EYS: variants seen among roughly 807,000 people sequenced by gnomAD.
The protein encoded by EYS is protein eyes shut homolog.
Under a neutral mutation model 282.1 loss-of-function variants are expected in EYS, and 250 were observed. That is an observed-to-expected ratio of 0.89 (90% CI 0.80 to 0.98). EYS has a LOEUF of 0.98. Ranked by LOEUF, EYS falls within the 50% of genes least tolerant of loss-of-function variation. The probability of loss-of-function intolerance (pLI) is 0.00; values close to 1 mark genes in which losing one functional copy is unlikely to be tolerated. For missense variants in EYS, 4,016 were observed against 3,709.0 expected, an observed-to-expected ratio of 1.08 and a Z score of -2.15; for synonymous variants, 1,355 against 1,282.9, an observed-to-expected ratio of 1.06 and a Z score of -1.20.
Position 64,241,611 on chromosome 6 carries a change from T to C in EYS, c.6192-10787A>G, listed in dbSNP as rs574219524. 2.0e-5 allele frequency among the ~76,000 whole-genome samples: 3 copies of C among 152,068 alleles called. No individual in the cohort carries two copies. In the South Asian group the frequency reaches 6.2e-4, roughly 32 times the overall value. On this transcript the variant is annotated intron_variant, in intron 30 of 42. Transcript: ENST00000503581. ...ATTGTATCTATCTATTTTGTTGATC[T>C]TTTCAAAAAAAACAGCTCCTGGATT...
chr6:65,426,615 T>C (rs1433361358), intron 5 of EYS, among the ~76,000 whole-genome samples: 4 of 152,120 alleles, frequency 2.6e-5, no homozygotes, highest in Non-Finnish European at 2.9e-5. Flanking sequence ...CCTGTTCTTT[T>C]TGTCTATCAA....
intron 39 of EYS, among the ~76,000 whole-genome samples, chr6:63,783,201 A>G (rs1441975272): frequency 3.9e-5 from 6 of 152,058 alleles, no homozygotes; most frequent in Non-Finnish European, 8.8e-5. Flanking sequence ...ATATTTAATA[A>G]CCTCCATATC....
chr6:64,303,869 G>GATA, intron 30 of EYS, among the ~76,000 whole-genome samples: 2 of 145,598 alleles, frequency 1.4e-5, no homozygotes, highest in African/African-American at 5.1e-5. Context: ...AAAGCCTCAG[G>GATA]GTAGGGTTAC....
At chr6:63,997,772 A>G (rs1767899320) in intron 34 of EYS, among the ~76,000 whole-genome samples, 1 of 152,222 alleles carries the variant, frequency 6.6e-6, no homozygotes, top group Admixed American at 6.5e-5. Context: ...TTGAGCACTT[A>G]CTGGATTCTA....
chr6:65,643,114 G>T (rs1165660799), intron 1 of EYS, among the ~76,000 whole-genome samples: 1 of 152,330 alleles, frequency 6.6e-6, no homozygotes, highest in Non-Finnish European at 1.5e-5. Flanking sequence ...TTCTCAGCAG[G>T]GATGCTGGTG....
intron 22 of EYS, among the ~76,000 whole-genome samples, chr6:64,753,097 G>A (rs772021700): frequency 6.6e-6 from 1 of 152,050 alleles, no homozygotes; most frequent in Non-Finnish European, 1.5e-5. Context: ...AATCCTCAAA[G>A]GAGTTCAAAC....
intron 2 of EYS, among the ~76,000 whole-genome samples, chr6:65,559,606 AT>A (rs1234301556): frequency 6.6e-6 from 1 of 152,194 alleles, no homozygotes; most frequent in Non-Finnish European, 1.5e-5. Context: ...TCAGTTAACT[AT>A]TAATAAAGTA....
intron 12 of EYS, among the ~76,000 whole-genome samples, chr6:65,143,633 C>A (rs1383964124): frequency 6.6e-6 from 1 of 152,010 alleles, no homozygotes; most frequent in Non-Finnish European, 1.5e-5. Context: ...ATCATTTTCT[C>A]AATTTACGGT....
intron 26 of EYS, among the ~76,000 whole-genome samples, chr6:64,440,510 T>G (rs1040178720): frequency 1.3e-5 from 2 of 152,090 alleles, no homozygotes; most frequent in Non-Finnish European, 2.9e-5. Context: ...CTGACTTCAT[T>G]AGTGAAGGAC....
intron 26 of EYS, among the ~76,000 whole-genome samples, chr6:64,448,453 C>T (rs1419659786): frequency 1.3e-5 from 2 of 152,196 alleles, no homozygotes; most frequent in African/African-American, 4.8e-5. Context: ...AAACAAAAGA[C>T]AGCAATAACC....
At chr6:64,701,838 A>G (rs574300328) in intron 22 of EYS, among the ~76,000 whole-genome samples, 3 of 152,202 alleles carry the variant, frequency 2.0e-5, no homozygotes, top group African/African-American at 4.8e-5. Context: ...AATTTATTCA[A>G]ATAAAAAATA....
rs182168116 is a variant in EYS, at chr6:65,627,571, G to A, written c.-333+12207C>T. On this transcript the variant is annotated intron_variant, in intron 2 of 42. Coordinates refer to ENST00000503581, the MANE Select transcript of EYS (RefSeq NM_001142800.2). ...CCGGGGCTGCCTGCCGCGCTTGCGG[G>A]CCAGCTGGAGTTCCGGGTCAGCTGG... Among the ~76,000 whole-genome samples, 713 of 152,278 alleles carry A rather than the reference G, an allele frequency of 4.7e-3. 8 individuals are homozygous for A. Among genetic ancestry groups the A allele is most frequent in the African/African-American group, 0.016 (669 of 41,572 alleles).
chr6:64,603,710 G>T lies in EYS; in HGVS notation c.3685-10401C>A, dbSNP rs1431116235. Reference sequence around the variant, plus strand: ...TCATCATTCAAACTGGTTCTGTGGAGGTGAGTCAGTGGTCAGATCTGAAGA... The same window carrying T: ...TCATCATTCAAACTGGTTCTGTGGATGTGAGTCAGTGGTCAGATCTGAAGA... On this transcript the variant is annotated intron_variant, in intron 24 of 42. Transcript: ENST00000503581. Among the ~76,000 whole-genome samples the T allele has an allele frequency of 3.9e-5, 6 of 152,034 alleles. No homozygotes were observed. The East Asian group carries it at 1.2e-3, about 29-fold the overall frequency.
rs567624682 is a variant in EYS, at chr6:64,252,825, C to A, written c.6192-22001G>T. ...TGTACTTCTACTAGAAATCTTATCA[C>A]CCTATACTGCAATAGCTTATTTATT... On this transcript the variant is annotated intron_variant, in intron 30 of 42. Transcript: ENST00000503581. Among the ~76,000 whole-genome samples, 5 of 152,270 alleles carry A rather than the reference C, an allele frequency of 3.3e-5. No individual in the cohort carries two copies. In the South Asian group the frequency reaches 6.2e-4, roughly 19 times the overall value.
At chr6:65,459,430 T>C (rs1477545978) in intron 5 of EYS, among the ~76,000 whole-genome samples, 1 of 152,022 alleles carries the variant, frequency 6.6e-6, no homozygotes, top group Admixed American at 6.6e-5. Flanking sequence ...ATAGTTTAAG[T>C]GTGAAACAAA....
intron 2 of EYS, among the ~76,000 whole-genome samples, chr6:65,562,009 A>G (rs767090029): frequency 6.6e-6 from 1 of 151,324 alleles, no homozygotes; most frequent in Non-Finnish European, 1.5e-5. Context: ...AATTTTTTGT[A>G]TATTATATAA....
intron 1 of EYS, among the ~76,000 whole-genome samples, chr6:65,676,454 G>A (rs924512770): frequency 1.3e-5 from 2 of 151,606 alleles, no homozygotes; most frequent in African/African-American, 2.4e-5. Context: ...ATTGAATAAC[G>A]TCAAAGAAAT....
At chr6:65,329,694 T>A (rs1769724802) in intron 11 of EYS, 1 of 978,972 alleles carries the variant, frequency 1.0e-6, no homozygotes, top group African/African-American at 1.8e-5. Context: ...GTTAATAAAA[T>A]CACGGACATC....
At chr6:65,030,673 G>A (rs1412367367) in intron 13 of EYS, among the ~76,000 whole-genome samples, 1 of 152,180 alleles carries the variant, frequency 6.6e-6, no homozygotes, top group Non-Finnish European at 1.5e-5. Flanking sequence ...CACAGCAGGT[G>A]CTTAACGTTG....
Sources: gnomAD v4.1 joint callset for allele counts (sites outside exome capture counted in the v4.1 genomes callset) on GRCh38, gnomAD v4.1.1 for gene constraint, MANE v1.5 for transcripts, NCBI Gene and HGNC (gene_info 2026-07-23, HGNC 2026-07-21) for gene names.